ATXN10: variants seen among roughly 807,000 people sequenced by gnomAD.
ATXN10 encodes ataxin 10, also known as ataxin-10.
Under a neutral mutation model 52.9 loss-of-function variants are expected in ATXN10, and 28 were observed. That is an observed-to-expected ratio of 0.53 (90% CI 0.39 to 0.73). ATXN10 has a LOEUF of 0.73. Ranked by LOEUF, ATXN10 falls within the 30% of genes least tolerant of loss-of-function variation. The pLI is 0.00. For missense variants in ATXN10, 565 were observed against 577.0 expected (o/e 0.98, Z 0.21); for synonymous variants, 226 against 221.5 (o/e 1.02, Z -0.18).
chr22:45,748,179 T>TAA (rs369182405), intron 9 of ATXN10, among the ~76,000 whole-genome samples: 3 of 145,178 alleles, frequency 2.1e-5, no homozygotes, highest in African/African-American at 5.1e-5. Context: ...ACTCTGTCTT[T>TAA]AAAAAAAAAA....
At chr22:45,791,695 T>G (rs1927516618) in intron 9 of ATXN10, among the ~76,000 whole-genome samples, 1 of 152,196 alleles carries the variant, frequency 6.6e-6, no homozygotes, top group Admixed American at 6.5e-5. Flanking sequence ...CTAGAATATT[T>G]TAGGGGAAGG....
rs892413030 is a variant in ATXN10, at chr22:45,783,494, C to T, written c.1174-23465C>T. On this transcript the variant is annotated intron_variant, in intron 9 of 11. Coordinates refer to ENST00000252934, the MANE Select transcript of ATXN10 (RefSeq NM_013236.4). This position sits in a 1 kb window ranked among gnomAD's most constrained non-coding sequence, Gnocchi z 5.0. ...TCAGGACAAAGTTAAAACTGGTAAGCTTGGCCTTCAGGGCTGCCCCTGATT... is the reference window on the plus strand; with the variant it reads ...TCAGGACAAAGTTAAAACTGGTAAGTTTGGCCTTCAGGGCTGCCCCTGATT... Among the ~76,000 whole-genome samples the T allele has an allele frequency of 1.3e-5, 2 of 152,188 alleles. No individual in the cohort carries two copies. Among genetic ancestry groups the T allele is most frequent in the African/African-American group, 2.4e-5 (1 of 41,442 alleles).
intron 9 of ATXN10, among the ~76,000 whole-genome samples, chr22:45,796,264 G>A (rs565717521): frequency 5.3e-5 from 8 of 152,322 alleles, no homozygotes; most frequent in East Asian, 3.9e-4. Flanking sequence ...CCAGCCTGGC[G>A]AATTCTAGTC....
intron 9 of ATXN10, chr22:45,792,371 G>T (rs1201744262): frequency 6.6e-6 from 1 of 152,324 alleles, no homozygotes; most frequent in African/African-American, 2.4e-5. Context: ...AAATCAACTG[G>T]TCTTACCAAA....
chr22:45,689,204 A>G, intron 1 of ATXN10, among the ~76,000 whole-genome samples: 1 of 152,224 alleles, frequency 6.6e-6, no homozygotes, highest in Non-Finnish European at 1.5e-5. Context: ...TTATAACTGA[A>G]CTTAGCTACA....
intron 10 of ATXN10, chr22:45,811,780 C>T: frequency 2.1e-6 from 1 of 471,102 alleles, no homozygotes; most frequent in South Asian, 1.5e-5. Context: ...AGTTTCTGCT[C>T]CTGCTGGGTC....
chr22:45,773,001 C>A (rs1926827505), intron 9 of ATXN10, among the ~76,000 whole-genome samples: 1 of 152,146 alleles, frequency 6.6e-6, no homozygotes. Flanking sequence ...TTTTTAAAGT[C>A]TTTTTCCCCC....
intron 7 of ATXN10, among the ~76,000 whole-genome samples, chr22:45,737,074 A>G (rs939774377): frequency 5.3e-5 from 8 of 152,240 alleles, no homozygotes; most frequent in African/African-American, 7.2e-5. Flanking sequence ...GCATCATTCA[A>G]AGATGACCAG....
chr22:45,713,776 T>G (rs564654015), intron 5 of ATXN10, among the ~76,000 whole-genome samples: 1 of 152,298 alleles, frequency 6.6e-6, no homozygotes, highest in Admixed American at 6.5e-5. Context: ...GGCTTTTTGC[T>G]TTTTTCACTA....
chr22:45,778,129 G>A (rs558215066), intron 9 of ATXN10, among the ~76,000 whole-genome samples: 1 of 152,324 alleles, frequency 6.6e-6, no homozygotes, highest in Admixed American at 6.5e-5. Context: ...TACAGAAAAA[G>A]TTTGCTGGCC....
At position 45,759,288 on chromosome 22, in the gene ATXN10, GATCACCT is replaced by G. The variant is rs1366128713; in HGVS notation, c.1173+18751_1173+18757del. Among the ~76,000 whole-genome samples, 2 of 152,172 alleles carry G rather than the reference GATCACCT, an allele frequency of 1.3e-5. No individual in the cohort carries two copies. Among genetic ancestry groups the G allele is most frequent in the African/African-American group, 4.8e-5 (2 of 41,410 alleles). ...ACACTTTGGGAGGCTGAGGTGGGCG[GATCACCT>G]GAGGTCAGGAGTTCAAGACCAGCCT... On this transcript the variant is annotated intron_variant, in intron 9 of 11. Coordinates refer to ENST00000252934, the MANE Select transcript of ATXN10 (RefSeq NM_013236.4). This position sits in a 1 kb window ranked among gnomAD's most constrained non-coding sequence, Gnocchi z 5.4.
At chr22:45,738,636 TTTA>T in intron 7 of ATXN10, 92 bp from the exon 8 acceptor site, 1 of 1,087,812 alleles carries the variant, frequency 9.2e-7, no homozygotes, top group Non-Finnish European at 1.3e-6. Flanking sequence ...ACTCTTTAAA[TTTA>T]TTGAAATATT....
intron 3 of ATXN10, among the ~76,000 whole-genome samples, chr22:45,697,458 C>T (rs967678142): frequency 2.0e-5 from 3 of 151,802 alleles, no homozygotes; most frequent in Non-Finnish European, 4.4e-5. Context: ...AAAAGGATAC[C>T]GTTTTCATTG....
At position 45,744,960 on chromosome 22, in the gene ATXN10, G is replaced by A. The variant is rs981659508; in HGVS notation, c.1173+4422G>A. The A allele has an allele frequency of 3.9e-5, 6 of 152,132 alleles. No homozygotes were observed. Among genetic ancestry groups the A allele is most frequent in the Non-Finnish European group, 7.4e-5 (5 of 68,018 alleles). 9.4% of individuals were successfully genotyped at this position (152,132 alleles called of 1,614,324 possible). ...GAATTGCTAGACTTCCCTTTACCTC[G>A]TCATGGTAGGGAGGTGTCAAATCCT... On this transcript the variant is annotated intron_variant, in intron 9 of 11. Transcript: ENST00000252934. The surrounding 1 kb of genome is among the most constrained non-coding windows in gnomAD (Gnocchi z 4.9).
intron 9 of ATXN10, among the ~76,000 whole-genome samples, chr22:45,746,457 G>A (rs565303761): frequency 6.6e-6 from 1 of 152,006 alleles, no homozygotes; most frequent in East Asian, 1.9e-4. Context: ...TACCTGTTTT[G>A]TACATCAGTA....
In ATXN10 at chr22:45,836,445, AC is replaced by A. The variant is rs1020245262; in HGVS notation, c.1238-6543del. 5.9e-5 allele frequency among the ~76,000 whole-genome samples: 9 copies of A among 152,244 alleles called. No individual in the cohort carries two copies. The East Asian group carries it at 1.4e-3, about 23-fold the overall frequency. ...CCTGCCTCCTGCCTTGCTCTCCAGCACCCTGCGAGCGGGAGCTCTTCTTTTT... is the reference window on the plus strand; with the variant it reads ...CCTGCCTCCTGCCTTGCTCTCCAGCACCTGCGAGCGGGAGCTCTTCTTTTT... On this transcript the variant is annotated intron_variant, in intron 10 of 11. Coordinates refer to ENST00000252934, the MANE Select transcript of ATXN10 (RefSeq NM_013236.4).
Position 45,769,635 on chromosome 22 carries a change from C to G in ATXN10, c.1173+29097C>G, listed in dbSNP as rs1305105014. Reference sequence around the variant, plus strand: ...GTTTGGCTGAAGCTAGAGAGAATCTCAAATAGACTTGGTCAAGAAAAGAAG... The same window carrying G: ...GTTTGGCTGAAGCTAGAGAGAATCTGAAATAGACTTGGTCAAGAAAAGAAG... On this transcript the variant is annotated intron_variant, in intron 9 of 11. Coordinates refer to ENST00000252934, the MANE Select transcript of ATXN10 (RefSeq NM_013236.4). The surrounding 1 kb of genome is among the most constrained non-coding windows in gnomAD (Gnocchi z 4.2). 1.3e-5 allele frequency among the ~76,000 whole-genome samples: 2 copies of G among 152,120 alleles called. No individual in the cohort carries two copies. Among genetic ancestry groups the G allele is most frequent in the African/African-American group, 4.8e-5 (2 of 41,428 alleles).
At chr22:45,803,352 C>T (rs1228945895) in intron 9 of ATXN10, among the ~76,000 whole-genome samples, 1 of 152,190 alleles carries the variant, frequency 6.6e-6, no homozygotes, top group Non-Finnish European at 1.5e-5. Flanking sequence ...CTTCCCCCTG[C>T]CCAAAACACT....
intron 9 of ATXN10, among the ~76,000 whole-genome samples, chr22:45,773,802 A>G (rs1343753821): frequency 1.3e-5 from 2 of 152,178 alleles, no homozygotes; most frequent in African/African-American, 2.4e-5. Flanking sequence ...AAAAATAATC[A>G]CAAGAAAAAC....
Sources: gnomAD v4.1 joint callset for allele counts (sites outside exome capture counted in the v4.1 genomes callset) on GRCh38, gnomAD v4.1.1 for gene constraint, Gnocchi (gnomAD v3.1) non-coding constraint, MANE v1.5 for transcripts, NCBI Gene and HGNC (gene_info 2026-07-23, HGNC 2026-07-21) for gene names.